The following CTNNA3 variants were observed in gnomAD, a reference collection of about 807,000 sequenced individuals.
CTNNA3 encodes the protein catenin alpha-3.
In CTNNA3, 76 loss-of-function variants were observed where a neutral mutation model predicts 95.7. The observed-to-expected ratio is 0.79, with a 90% CI of 0.66 to 0.96. The LOEUF (loss-of-function observed/expected upper bound fraction) is 0.96. Ranked by LOEUF, CTNNA3 falls within the 40% of genes least tolerant of loss-of-function variation. The pLI, the probability that CTNNA3 is intolerant of heterozygous loss-of-function variation, is 0.00. For synonymous variants in CTNNA3, 431 were observed against 374.4 expected (o/e 1.15, Z -1.74); for missense variants, 1,191 against 1,089.8 (o/e 1.09, Z -1.31).
chr10:66,412,155 A>G (rs1911491), intron 11 of CTNNA3, among the ~76,000 whole-genome samples: 58,148 of 152,026 alleles, frequency 0.38, 11,686 homozygotes, highest in African/African-American at 0.5. Flanking sequence ...TGCATTCGAT[A>G]TTCCAGCAAG....
At chr10:66,387,953 A>G (rs1450491559) in intron 11 of CTNNA3, among the ~76,000 whole-genome samples, 3 of 151,934 alleles carry the variant, frequency 2.0e-5, no homozygotes, top group African/African-American at 7.2e-5. Context: ...CAGGGGATGG[A>G]GGGCTGGGGG....
At chr10:67,298,585 A>G (rs535318444) in intron 5 of CTNNA3, among the ~76,000 whole-genome samples, 3 of 152,224 alleles carry the variant, frequency 2.0e-5, no homozygotes, top group African/African-American at 7.2e-5. Context: ...TTGATGTTCT[A>G]TTGGGTATAA....
At position 66,823,968 on chromosome 10, in the gene CTNNA3, A is replaced by G. The variant is rs538831044; in HGVS notation, c.1048-48444T>C. On this transcript the variant is annotated intron_variant, in intron 7 of 17. Coordinates refer to ENST00000433211, the MANE Select transcript of CTNNA3 (RefSeq NM_013266.4). ...AATTCAAATTTATGTAACAGATAGA[A>G]AGGGAAAAGAAAGGAAAAAATGTGA... Among the ~76,000 whole-genome samples the G allele has an allele frequency of 3.9e-5, 6 of 152,256 alleles. No homozygotes were observed. In the South Asian group the frequency reaches 6.2e-4, roughly 16 times the overall value.
At chr10:67,393,494 A>G (rs1444205227) in intron 5 of CTNNA3, among the ~76,000 whole-genome samples, 2 of 152,160 alleles carry the variant, frequency 1.3e-5, no homozygotes, top group African/African-American at 4.8e-5. Flanking sequence ...CATATCGCTT[A>G]CAGTCCAAAT....
At chr10:65,926,863 C>T (rs1190534696) in intron 17 of CTNNA3, among the ~76,000 whole-genome samples, 1 of 152,118 alleles carries the variant, frequency 6.6e-6, no homozygotes, top group Non-Finnish European at 1.5e-5. Context: ...GTTTAATTGG[C>T]ATCTCATTAA....
intron 1 of CTNNA3, among the ~76,000 whole-genome samples, chr10:67,743,205 G>C (rs1841353106): frequency 6.6e-6 from 1 of 151,002 alleles, no homozygotes. Context: ...ACCAAAAAGA[G>C]AATTTTAGAC....
At chr10:66,177,288 T>TATTTCAAA (rs2085763993) in intron 13 of CTNNA3, among the ~76,000 whole-genome samples, 1 of 151,944 alleles carries the variant, frequency 6.6e-6, no homozygotes, top group Admixed American at 6.6e-5. Flanking sequence ...TTCCTGGATT[T>TATTTCAAA]TAAGGTTAGA....
intron 5 of CTNNA3, among the ~76,000 whole-genome samples, chr10:67,271,812 A>T (rs963270067): frequency 6.6e-6 from 1 of 152,176 alleles, no homozygotes; most frequent in African/African-American, 2.4e-5. Context: ...AAAATGACAC[A>T]CTAGTTTATG....
chr10:66,900,430 A>G (rs1488043470), intron 7 of CTNNA3, among the ~76,000 whole-genome samples: 1 of 152,206 alleles, frequency 6.6e-6, no homozygotes, highest in East Asian at 1.9e-4. Flanking sequence ...CAGAACAGAA[A>G]AGCAGAAAAT....
intron 11 of CTNNA3, 92 bp downstream of exon 11, chr10:66,520,525 T>C (rs1476267170): frequency 8.6e-7 from 1 of 1,161,952 alleles, no homozygotes; most frequent in Admixed American, 2.5e-5. Flanking sequence ...GTGTTGGCAT[T>C]ACAGGCATGA....
chr10:67,452,061 TGGAAGGAA>T (rs59544939), intron 5 of CTNNA3, among the ~76,000 whole-genome samples: 1,443 of 121,074 alleles, frequency 0.012, 28 homozygotes, highest in East Asian at 0.078. Context: ...GAGGGAGGAA[TGGAAGGAA>T]GGAAGGAAGG....
At chr10:66,472,141 T>C (rs185356037) in intron 11 of CTNNA3, among the ~76,000 whole-genome samples, 8 of 152,028 alleles carry the variant, frequency 5.3e-5, no homozygotes, top group Admixed American at 1.3e-4. Context: ...ATACACATCA[T>C]AGAAGCTTGA....
intron 2 of CTNNA3, among the ~76,000 whole-genome samples, chr10:67,646,483 C>T (rs1232423366): frequency 6.6e-6 from 1 of 151,656 alleles, no homozygotes; most frequent in Non-Finnish European, 1.5e-5. Context: ...AATTGTCTTT[C>T]GAGTAGCAGA....
intron 5 of CTNNA3, among the ~76,000 whole-genome samples, chr10:67,477,389 C>T (rs368279844): frequency 2.6e-5 from 4 of 152,242 alleles, no homozygotes; most frequent in South Asian, 2.1e-4. Context: ...GACCACTGTG[C>T]ACTCCATGAA....
Position 67,224,918 on chromosome 10 carries a change from A to G in CTNNA3, c.580-5048T>C, listed in dbSNP as rs1450517070. 2.0e-5 allele frequency among the ~76,000 whole-genome samples: 3 copies of G among 152,126 alleles called. No individual in the cohort carries two copies. In the East Asian group the frequency reaches 5.8e-4, roughly 29 times the overall value. The stretch of plus-strand genomic sequence containing the variant: ...GGTGTGAATCCAGCATGCAGACTCC[A>G]CAGCGTGGGGGAAGAACCAGGCCGT... On this transcript the variant is annotated intron_variant, in intron 5 of 17. Transcript: ENST00000433211.
intron 13 of CTNNA3, among the ~76,000 whole-genome samples, chr10:66,270,217 C>G (rs1342157374): frequency 8.2e-6 from 1 of 122,626 alleles, no homozygotes; most frequent in African/African-American, 4.4e-5. Flanking sequence ...AACACTATAA[C>G]ATTTTTTGGG....
At chr10:67,371,214 T>C (rs1843437552) in intron 5 of CTNNA3, among the ~76,000 whole-genome samples, 1 of 151,552 alleles carries the variant, frequency 6.6e-6, no homozygotes, top group African/African-American at 2.4e-5. Context: ...CTTCCCATTT[T>C]TCTTTTTATA....
intron 12 of CTNNA3, among the ~76,000 whole-genome samples, chr10:66,309,933 A>T (rs939722209): frequency 6.9e-6 from 1 of 145,156 alleles, no homozygotes; most frequent in Non-Finnish European, 1.5e-5. Flanking sequence ...AAATAAATAA[A>T]TAAATAAATA....
At chr10:66,381,688 G>A (rs534380557) in intron 11 of CTNNA3, among the ~76,000 whole-genome samples, 2 of 152,154 alleles carry the variant, frequency 1.3e-5, no homozygotes, top group Non-Finnish European at 2.9e-5. Context: ...GACATTTAAA[G>A]TCACTTATAT....
Sources: gnomAD v4.1 joint callset for allele counts (sites outside exome capture counted in the v4.1 genomes callset) on GRCh38, gnomAD v4.1.1 for gene constraint, MANE v1.5 for transcripts, NCBI Gene and HGNC (gene_info 2026-07-23, HGNC 2026-07-21) for gene names.